Variants in DNAH11 observed in about 807,000 individuals in gnomAD.
DNAH11 encodes dynein axonemal heavy chain 11.
In DNAH11, 442 loss-of-function variants were observed where a neutral mutation model predicts 526.0. The ratio of observed to expected loss-of-function variants is 0.84; its 90% CI spans 0.78 to 0.91. The LOEUF (loss-of-function observed/expected upper bound fraction) is 0.91. Among genes scored for constraint, DNAH11 ranks in the 40% least tolerant of loss-of-function variants. The pLI, the probability that DNAH11 is intolerant of heterozygous loss-of-function variation, is 0.00. For missense variants in DNAH11, 6,989 were observed against 5,448.7 expected, an observed-to-expected ratio of 1.28 and a Z score of -8.90; for synonymous variants, 2,461 against 1,935.9, an observed-to-expected ratio of 1.27 and a Z score of -7.12.
Position 21,570,164 on chromosome 7 carries a change from C to A in DNAH11, c.1290C>A (p.Phe430Leu). 1 of 1,613,436 alleles carries A rather than the reference C, an allele frequency of 6.2e-7. No homozygotes were observed. The highest frequency in any genetic ancestry group is 8.5e-7 in the Non-Finnish European group (1 of 1,179,694). The change falls in exon 7 of 82, where the codon TTC becomes TTA. Residue 430 changes from phenylalanine (F) to leucine (L), a missense_variant. Transcript: ENST00000409508. The stretch of plus-strand genomic sequence containing the variant: ...TGGCTGTTAACATCTTAAAGACTTT[C>A]AAAAACTCCTTTTTCAACTATAGAA... ...VQVAVNILKT[F>L]KNSFFNYRKK...
Position 21,784,517 on chromosome 7 carries a change from G to C in DNAH11, c.9574G>C (p.Ala3192Pro). The C allele has an allele frequency of 1.9e-6, 3 of 1,612,378 alleles. No homozygotes were observed. The highest frequency in any genetic ancestry group is 2.5e-6 in the Non-Finnish European group (3 of 1,179,100). ...TGAGCCTGCACTGGTGGCTGCTACAGCTGCACTCAATACACTCAACAGGGT... is the reference window on the plus strand; with the variant it reads ...TGAGCCTGCACTGGTGGCTGCTACACCTGCACTCAATACACTCAACAGGGT... ...KAEPALVAAT[A>P]ALNTLNRVNL... is the part of the protein sequence containing the mutation. Residue 3192 changes from alanine to proline, a missense_variant, in exon 58 of 82, where the codon GCT (alanine) becomes CCT (proline). Physicochemically the swap from Ala to Pro is conservative, Grantham distance 27 (BLOSUM62 -1). Transcript: ENST00000409508.
chr7:21,805,221 T>A (rs1789209023), intron 62 of DNAH11, among the ~76,000 whole-genome samples: 1 of 152,214 alleles, frequency 6.6e-6, no homozygotes, highest in African/African-American at 2.4e-5. Flanking sequence ...ACTTGCTCTG[T>A]TAACATTTTT....
intron 34 of DNAH11, among the ~76,000 whole-genome samples, chr7:21,688,607 C>T (rs2128474346): frequency 6.6e-6 from 1 of 152,316 alleles, no homozygotes; most frequent in Admixed American, 6.5e-5. Context: ...GGAGGTCTCC[C>T]AGGCTTCTCA....
intron 25 of DNAH11, among the ~76,000 whole-genome samples, chr7:21,621,420 T>G (rs1217094733): frequency 2.6e-5 from 4 of 152,158 alleles, no homozygotes; most frequent in African/African-American, 4.8e-5. Flanking sequence ...CCATTCCTTC[T>G]GAAACTATTC....
At position 21,879,143 on chromosome 7, in the gene DNAH11, C is replaced by T. The variant is rs139307817; in HGVS notation, c.12196-1559C>T. Reference sequence around the variant, plus strand: ...ATGCCAGGATTCCATTTTCCATCTGCGTTCTTAAAAAAAAATCTCACAGGT... The same window carrying T: ...ATGCCAGGATTCCATTTTCCATCTGTGTTCTTAAAAAAAAATCTCACAGGT... On this transcript the variant is annotated intron_variant, in intron 74 of 81. Coordinates refer to ENST00000409508, the MANE Select transcript of DNAH11 (RefSeq NM_001277115.2). Among the ~76,000 whole-genome samples, 432 of 152,032 alleles carry T rather than the reference C, an allele frequency of 2.8e-3. 1 individual carries two copies. Among genetic ancestry groups the T allele is most frequent in the African/African-American group, 9.7e-3 (403 of 41,478 alleles).
intron 30 of DNAH11, among the ~76,000 whole-genome samples, chr7:21,666,547 A>G (rs541175779): frequency 2.0e-4 from 31 of 152,210 alleles, no homozygotes; most frequent in African/African-American, 6.3e-4. Flanking sequence ...CCCTCTCAAC[A>G]AAGACTCAGA....
chr7:21,557,319 G>A (rs530109173), intron 2 of DNAH11, among the ~76,000 whole-genome samples: 1 of 152,186 alleles, frequency 6.6e-6, no homozygotes, highest in South Asian at 2.1e-4. Flanking sequence ...AATGCTTGTT[G>A]TCTTACTCTG....
chr7:21,764,991 C>T (rs916863805), intron 54 of DNAH11, among the ~76,000 whole-genome samples: 2 of 152,054 alleles, frequency 1.3e-5, no homozygotes, highest in East Asian at 1.9e-4. Context: ...GATGATAAGA[C>T]ATTGTTTTTA....
rs762090852 is a variant in DNAH11 at position 21,639,005 on chromosome 7, C to T, written c.4884C>T (p.Phe1628=). 6 of 1,613,690 alleles carry T rather than the reference C, an allele frequency of 3.7e-6. No homozygotes were observed. The highest frequency in any genetic ancestry group is 5.1e-6 in the Non-Finnish European group (6 of 1,179,704). ...CCAAGCGCATAGCCTTTCCTCGCTT[C>T]TATTTCGTCTCTTCTGCTGATTTAC... ...LETKRIAFPR[F]YFVSSADLLD... The change falls in exon 28 of 82, where the codon TTC becomes TTT. Residue 1628 remains phenylalanine (F), a synonymous_variant. Transcript: ENST00000409508.
At chr7:21,711,920 T>A (rs371515070) in intron 42 of DNAH11, 60 bp downstream of exon 42, 7 of 1,543,482 alleles carry the variant, frequency 4.5e-6, no homozygotes, top group East Asian at 4.9e-5. Context: ...TTTACCATTT[T>A]CATAATTTTT....
intron 68 of DNAH11, 93 bp downstream of exon 68, chr7:21,854,548 T>TAAC (rs1782761362): frequency 7.9e-7 from 1 of 1,264,020 alleles, no homozygotes; most frequent in Non-Finnish European, 1.1e-6. Context: ...ATAATAATAA[T>TAAC]AACTATTATT....
At chr7:21,650,033 G>T (rs1787555940) in intron 28 of DNAH11, among the ~76,000 whole-genome samples, 1 of 151,884 alleles carries the variant, frequency 6.6e-6, no homozygotes, top group Non-Finnish European at 1.5e-5. Flanking sequence ...TTATTAAGTT[G>T]TACACACATG....
In DNAH11 at chr7:21,681,547, T is replaced by C. The variant is rs1190533579; in HGVS notation, c.5330T>C (p.Ile1777Thr). The change falls in exon 31 of 82, where the codon ATT becomes ACT. Residue 1777 changes from isoleucine (I) to threonine (T), a missense_variant and splice_region_variant. Transcript: ENST00000409508. The part of the protein sequence containing the change: ...TALKDFHKKQ[I>T]SQLNTLITLL... ...TTTTTAAAAAATGATTCCTTCTAGA[T>C]TTCTCAGCTGAATACACTGATTACA... 2 of 1,613,576 alleles carry C rather than the reference T, an allele frequency of 1.2e-6. No homozygotes were observed. The highest frequency in any genetic ancestry group is 8.5e-7 in the Non-Finnish European group (1 of 1,179,604).
At chr7:21,772,002 T>C (rs1787456503) in intron 55 of DNAH11, among the ~76,000 whole-genome samples, 1 of 152,238 alleles carries the variant, frequency 6.6e-6, no homozygotes, top group African/African-American at 2.4e-5. Context: ...CTACTGACCT[T>C]ATCATAAGAG....
chr7:21,775,774 G>T (rs76596807), intron 56 of DNAH11, among the ~76,000 whole-genome samples: 1,847 of 152,148 alleles, frequency 0.012, 41 homozygotes, highest in African/African-American at 0.042. Flanking sequence ...GATTTTCCCT[G>T]GAGTCCTGTT....
At chr7:21,720,628 G>A (rs1399224744) in intron 43 of DNAH11, 97 bp from the exon 44 acceptor site, 3 of 1,319,346 alleles carry the variant, frequency 2.3e-6, no homozygotes, top group Non-Finnish European at 3.0e-6. Context: ...GAAAAACTAT[G>A]TACTCTCTTA....
intron 63 of DNAH11, among the ~76,000 whole-genome samples, chr7:21,809,205 G>T (rs12667227): frequency 0.41 from 62,720 of 151,636 alleles, 13,832 homozygotes; most frequent in East Asian, 0.82. Context: ...ATCTATTCAA[G>T]AACTTTGTCC....
Position 21,615,243 on chromosome 7 carries a change from G to C in DNAH11, c.3982G>C (p.Gly1328Arg), listed in dbSNP as rs1562702476. 3.7e-6 allele frequency: 6 copies of C among 1,612,738 alleles called. No homozygotes were observed. Among genetic ancestry groups the C allele is most frequent in the Non-Finnish European group, 4.2e-6 (5 of 1,179,350 alleles). Reference sequence around the variant, plus strand: ...TCGCAAAGAAATAAAATTGCTCAAGGGACTGTGGGATGTCATTATTTATGT... The same window carrying C: ...TCGCAAAGAAATAAAATTGCTCAAGCGACTGTGGGATGTCATTATTTATGT... The part of the protein sequence containing the change: ...QCRKEIKLLK[G>R]LWDVIIYVRR... Residue 1328 changes from glycine to arginine, a missense_variant, in exon 21 of 82, where the codon GGA becomes CGA. Transcript: ENST00000409508.
intron 57 of DNAH11, among the ~76,000 whole-genome samples, 153 bp downstream of exon 57, chr7:21,779,257 T>C (rs1251764387): frequency 6.6e-6 from 1 of 152,228 alleles, no homozygotes; most frequent in African/African-American, 2.4e-5. Context: ...ACACCGTGAT[T>C]ACCACTTGAC....
Sources: gnomAD v4.1 joint callset for allele counts (sites outside exome capture counted in the v4.1 genomes callset) on GRCh38, gnomAD v4.1.1 for gene constraint, MANE v1.5 for transcripts, NCBI Gene and HGNC (gene_info 2026-07-23, HGNC 2026-07-21) for gene names.